IL1RAPL2: variants seen among roughly 807,000 people sequenced by gnomAD.
IL1RAPL2 encodes X-linked interleukin-1 receptor accessory protein-like 2.
IL1RAPL2 carries 3 observed loss-of-function variants against 44.1 expected under a neutral mutation model. The ratio of observed to expected loss-of-function variants is 0.07; its 90% CI spans 0.03 to 0.18. IL1RAPL2 has a LOEUF of 0.18. Ranked by LOEUF, IL1RAPL2 falls within the 10% of genes least tolerant of loss-of-function variation. The pLI, the probability that IL1RAPL2 is intolerant of heterozygous loss-of-function variation, is 1.00. For missense variants in IL1RAPL2, 391 were observed against 496.4 expected, an observed-to-expected ratio of 0.79 and a Z score of 2.02; for synonymous variants, 181 against 178.8, an observed-to-expected ratio of 1.01 and a Z score of -0.10.
intron 1 of IL1RAPL2, among the ~76,000 whole-genome samples, chrX:104,582,822 C>CTTTTTCTTTTCTTTCTTTCTTTCTT (rs748809592): frequency 4.9e-5 from 2 of 40,663 alleles, no homozygotes; most frequent in African/African-American, 2.1e-4. Context: ...TCCTTTCTTT[C>CTTTTTCTTTTCTTTCTTTCTTTCTT]TCTTTCTTTC....
intron 5 of IL1RAPL2, among the ~76,000 whole-genome samples, chrX:105,363,292 AT>A (rs2035263811): frequency 1.5e-5 from 1 of 68,359 alleles, no homozygotes; most frequent in African/African-American, 1.3e-4. Context: ...TATATATAAT[AT>A]ATATATATAT....
chrX:105,217,333 G>A (rs1369132392), intron 3 of IL1RAPL2, among the ~76,000 whole-genome samples: 9 of 111,763 alleles, frequency 8.1e-5, no homozygotes, highest in African/African-American at 2.9e-4. Flanking sequence ...CATTTATGCA[G>A]CCAACACATG....
chrX:105,239,765 T>A (rs2034154113), intron 4 of IL1RAPL2, among the ~76,000 whole-genome samples: 1 of 111,261 alleles, frequency 9.0e-6, no homozygotes, highest in Non-Finnish European at 1.9e-5. Flanking sequence ...AAGGAAGTCC[T>A]TCTCTGATGT....
At chrX:104,681,452 TGAGAAA>T (rs894394726) in intron 2 of IL1RAPL2, among the ~76,000 whole-genome samples, 1 of 111,627 alleles carries the variant, frequency 9.0e-6, no homozygotes, top group African/African-American at 3.3e-5. Context: ...CTGAACAACG[TGAGAAA>T]GAGAAAGAAA....
chrX:104,752,003 A>G (rs1932267232), intron 2 of IL1RAPL2, among the ~76,000 whole-genome samples: 1 of 111,259 alleles, frequency 9.0e-6, no homozygotes, highest in African/African-American at 3.3e-5. Flanking sequence ...CTTTCTGAGT[A>G]ATACATAAGA....
intron 6 of IL1RAPL2, among the ~76,000 whole-genome samples, chrX:105,675,095 T>C (rs1200479473): frequency 2.7e-5 from 3 of 111,078 alleles, no homozygotes; most frequent in Admixed American, 9.7e-5. Flanking sequence ...TATAGGATCA[T>C]GTCATCTGCA....
rs1367816166 is a variant in IL1RAPL2 at position 104,879,366 on chromosome X, A to G, written c.82+220371A>G. The stretch of plus-strand genomic sequence containing the variant: ...GTAAAAGAGACCAAGCAAAACTAGT[A>G]AAAAAAAAAAAAAAAAAAGAGTGCA... On this transcript the variant is annotated intron_variant, in intron 2 of 10. Transcript: ENST00000372582. 8.0e-5 allele frequency among the ~76,000 whole-genome samples: 4 copies of G among 49,925 alleles called. No homozygotes were observed. In the East Asian group the frequency reaches 1.9e-3, roughly 24 times the overall value. The allele number at this position is 49,925 out of a possible 115,157, so 43.4% of individuals were successfully genotyped here.
intron 4 of IL1RAPL2, among the ~76,000 whole-genome samples, chrX:105,261,760 G>A (rs1442707796): frequency 9.0e-6 from 1 of 111,682 alleles, no homozygotes; most frequent in Non-Finnish European, 1.9e-5. Context: ...TAAGATGTGA[G>A]TTGTGCAGTT....
chrX:105,033,316 C>G lies in IL1RAPL2; in HGVS notation c.83-162159C>G, dbSNP rs1027096724. On this transcript the variant is annotated intron_variant, in intron 2 of 10. Transcript: ENST00000372582. ...GTTAGTTGATGCAGTTTCTTCCTAG[C>G]CTTGATGGTCTTTACATTTTGGCAT... 3.6e-5 allele frequency among the ~76,000 whole-genome samples: 4 copies of G among 111,558 alleles called. No individual in the cohort carries two copies. In the South Asian group the frequency reaches 1.5e-3, roughly 42 times the overall value.
At chrX:105,148,121 G>C (rs2147587373) in intron 2 of IL1RAPL2, among the ~76,000 whole-genome samples, 1 of 111,704 alleles carries the variant, frequency 9.0e-6, no homozygotes, top group South Asian at 3.8e-4. Flanking sequence ...AAAAGTCAAT[G>C]ATATATTGAC....
At chrX:105,313,852 G>C (rs1325603431) in intron 5 of IL1RAPL2, among the ~76,000 whole-genome samples, 1 of 110,861 alleles carries the variant, frequency 9.0e-6, no homozygotes, top group African/African-American at 3.3e-5. Context: ...TGGAGGGGTG[G>C]GGAAACACAG....
intron 2 of IL1RAPL2, among the ~76,000 whole-genome samples, chrX:105,056,407 A>C (rs1357126545): frequency 1.8e-5 from 2 of 112,065 alleles, no homozygotes; most frequent in African/African-American, 6.5e-5. Context: ...AAATCCAAAA[A>C]TATGTTTTGT....
chrX:104,592,433 G>A (rs1928687446), intron 1 of IL1RAPL2, among the ~76,000 whole-genome samples: 1 of 110,420 alleles, frequency 9.1e-6, no homozygotes, highest in Admixed American at 9.8e-5. Context: ...TGCAAATGCA[G>A]ACTATTGCCT....
chrX:105,098,912 G>C (rs1487166303), intron 2 of IL1RAPL2, among the ~76,000 whole-genome samples: 1 of 112,285 alleles, frequency 8.9e-6, no homozygotes, highest in African/African-American at 3.2e-5. Flanking sequence ...CCAAGAAAAG[G>C]CTGATAAATC....
rs1361227153 is a variant in IL1RAPL2 at position 105,447,096 on chromosome X, TATATATATATAA to T, written c.698-37215_698-37204del. On this transcript the variant is annotated intron_variant, in intron 5 of 10. Coordinates refer to ENST00000372582, the MANE Select transcript of IL1RAPL2 (RefSeq NM_017416.2). The stretch of plus-strand genomic sequence containing the variant: ...AAAATTATATATATATATATATATA[TATATATATATAA>T]AAATATATATAAATATAAATATATA... Among the ~76,000 whole-genome samples the T allele has an allele frequency of 3.0e-3, 175 of 57,504 alleles. 7 individuals are homozygous for T. Among genetic ancestry groups the T allele is most frequent in the African/African-American group, 0.018 (164 of 9,256 alleles). The allele number at this position is 57,504 out of a possible 115,157, so 49.9% of individuals were successfully genotyped here.
intron 6 of IL1RAPL2, among the ~76,000 whole-genome samples, chrX:105,505,974 A>G (rs1338118673): frequency 2.7e-5 from 3 of 111,443 alleles, no homozygotes; most frequent in African/African-American, 9.8e-5. Flanking sequence ...GATTAATAGT[A>G]CTTCCCTGAA....
At chrX:105,354,789 A>G (rs773499379) in intron 5 of IL1RAPL2, among the ~76,000 whole-genome samples, 17 of 111,352 alleles carry the variant, frequency 1.5e-4, no homozygotes, top group South Asian at 3.9e-4. Context: ...CCATACCTCA[A>G]TGTCAGAAGG....
At chrX:105,394,408 G>T (rs1252683954) in intron 5 of IL1RAPL2, among the ~76,000 whole-genome samples, 1 of 111,093 alleles carries the variant, frequency 9.0e-6, no homozygotes, top group East Asian at 2.8e-4. Context: ...ACAAAGAACT[G>T]ACTTTTCCTT....
intron 5 of IL1RAPL2, among the ~76,000 whole-genome samples, chrX:105,358,790 A>G (rs903927805): frequency 8.9e-6 from 1 of 111,816 alleles, no homozygotes. Flanking sequence ...CAGAATCTTC[A>G]TCGAATAACT....
Sources: gnomAD v4.1 joint callset for allele counts (sites outside exome capture counted in the v4.1 genomes callset) on GRCh38, gnomAD v4.1.1 for gene constraint, MANE v1.5 for transcripts, NCBI Gene and HGNC (gene_info 2026-07-23, HGNC 2026-07-21) for gene names.